The following SENP2 variants were observed in gnomAD, a reference collection of about 807,000 sequenced individuals.
SENP2 encodes SUMO specific peptidase 2.
In SENP2, 16 loss-of-function variants were observed where a neutral mutation model predicts 86.3. The observed-to-expected ratio is 0.19, with a 90% confidence interval of 0.13 to 0.28. SENP2 has a LOEUF of 0.28. SENP2 is among the 10% of genes least tolerant of loss of function. SENP2 has a pLI of 1.00. For missense variants in SENP2, 552 were observed against 703.0 expected, an observed-to-expected ratio of 0.79 and a Z score of 2.43; for synonymous variants, 222 against 238.7, an observed-to-expected ratio of 0.93 and a Z score of 0.64.
chr3:185,592,562 T>G (rs961253176), intron 2 of SENP2, among the ~76,000 whole-genome samples: 3 of 152,140 alleles, frequency 2.0e-5, no homozygotes, highest in East Asian at 1.9e-4. Context: ...CATGTCTCAG[T>G]GCTAACCAAT....
chr3:185,603,028 T>G (rs527810671), intron 5 of SENP2, among the ~76,000 whole-genome samples: 1 of 150,434 alleles, frequency 6.6e-6, no homozygotes, highest in African/African-American at 2.4e-5. Flanking sequence ...TTCTCCTGCC[T>G]TAGCCTCCTG....
chr3:185,599,218 A>G (rs546114729), intron 4 of SENP2, among the ~76,000 whole-genome samples, 194 bp downstream of exon 4: 25 of 152,284 alleles, frequency 1.6e-4, no homozygotes, highest in Non-Finnish European at 2.2e-4. Context: ...TGTTTGTATT[A>G]TCAGTGTCCT....
At chr3:185,598,701 G>A (rs746561370) in intron 3 of SENP2, among the ~76,000 whole-genome samples, 156 bp downstream of exon 3, 1 of 151,980 alleles carries the variant, frequency 6.6e-6, no homozygotes, top group African/African-American at 2.4e-5. Context: ...AGAAATTAAA[G>A]GTTAATAAAA....
At position 185,606,516 on chromosome 3, in the gene SENP2, G is replaced by T. The variant is rs1337271477; in HGVS notation, c.618+18G>T. 2 of 1,552,734 alleles carry T rather than the reference G, an allele frequency of 1.3e-6. No homozygotes were observed. Among genetic ancestry groups the T allele is most frequent in the Non-Finnish European group, 1.7e-6 (2 of 1,154,830 alleles). On this transcript the variant is annotated intron_variant, in intron 6 of 16. Transcript: ENST00000296257. ...TGGAGGAGGTAAGCCTTTTCAGCTTGATTTCTTTAAAAAAAATTTTACAGC... is the reference window on the plus strand; with the variant it reads ...TGGAGGAGGTAAGCCTTTTCAGCTTTATTTCTTTAAAAAAAATTTTACAGC...
chr3:185,609,307 G>A lies in SENP2; in HGVS notation c.679G>A (p.Gly227Ser). Residue 227 changes from glycine to serine, a missense_variant, in exon 7 of 17, where the codon GGT becomes AGT. Coordinates refer to ENST00000296257, the MANE Select transcript of SENP2 (RefSeq NM_021627.3). ...GTTATTGGAACGACTTAAAGAAAGT[G>A]GTCATGGAAACTCTGTCTGTCCTGT... ...RKLLERLKES[G>S]HGNSVCPVTS... is the part of the protein sequence containing the mutation. 6.2e-7 allele frequency: 1 copy of A among 1,613,786 alleles called. No homozygotes were observed.
chr3:185,629,657 G>A lies in SENP2; in HGVS notation c.1708-125G>A, dbSNP rs1289849119. The A allele has an allele frequency of 2.1e-5, 18 of 858,628 alleles. No homozygotes were observed. In the Admixed American group the frequency reaches 2.9e-4, roughly 14 times the overall value. The allele number at this position is 858,628 out of a possible 1,614,324, so 53.2% of individuals were successfully genotyped here. The stretch of plus-strand genomic sequence containing the variant: ...TGGTTTTATAAGTATGTTCCATGAT[G>A]TAAAAATGTCAACACTTAGAAAAAG... On this transcript the variant is annotated intron_variant, in intron 16 of 16. Coordinates refer to ENST00000296257, the MANE Select transcript of SENP2 (RefSeq NM_021627.3).
chr3:185,588,490 C>T (rs748818504), intron 1 of SENP2, among the ~76,000 whole-genome samples: 1 of 152,168 alleles, frequency 6.6e-6, no homozygotes, highest in Non-Finnish European at 1.5e-5. Context: ...CGGGCCCGGC[C>T]GTTAATTTCA....
intron 6 of SENP2, among the ~76,000 whole-genome samples, chr3:185,607,677 TA>T (rs1364970007): frequency 6.6e-6 from 1 of 152,054 alleles, no homozygotes; most frequent in Non-Finnish European, 1.5e-5. Context: ...CTTGCTTTTT[TA>T]AAAAAATTTA....
chr3:185,605,815 G>C (rs138067080), intron 5 of SENP2, among the ~76,000 whole-genome samples: 1 of 152,200 alleles, frequency 6.6e-6, no homozygotes, highest in African/African-American at 2.4e-5. Context: ...GGAATTCCAG[G>C]CTTCAGTTCC....
Position 185,629,933 on chromosome 3 carries a change from C to T in SENP2, c.*89C>T. ...TGCATTGTGGGTTAAAAAGTCCCTGCATCACTTCTGTTCTCACAGGTACTG... is the reference window on the plus strand; with the variant it reads ...TGCATTGTGGGTTAAAAAGTCCCTGTATCACTTCTGTTCTCACAGGTACTG... On this transcript the variant is annotated 3_prime_UTR_variant, in exon 17 of 17. Coordinates refer to ENST00000296257, the MANE Select transcript of SENP2 (RefSeq NM_021627.3). The T allele has an allele frequency of 7.7e-7, 1 of 1,297,904 alleles. No homozygotes were observed. The highest frequency in any genetic ancestry group is 2.3e-5 in the East Asian group (1 of 42,862). The allele number at this position is 1,297,904 out of a possible 1,614,324, so 80.4% of individuals were successfully genotyped here.
intron 14 of SENP2, among the ~76,000 whole-genome samples, chr3:185,623,211 G>A (rs530905590): frequency 1.4e-5 from 2 of 138,470 alleles, no homozygotes; most frequent in Admixed American, 1.4e-4. Context: ...GCGTGATCTC[G>A]GCTCACCGCA....
intron 6 of SENP2, chr3:185,606,986 C>CT (rs10715399): frequency 0.012 from 2,678 of 222,262 alleles, no homozygotes; most frequent in East Asian, 0.018. Flanking sequence ...TTCTTTTTTC[C>CT]TTTTTTTTTT....
chr3:185,626,631 G>T (rs1482202740), intron 16 of SENP2, among the ~76,000 whole-genome samples: 1 of 151,088 alleles, frequency 6.6e-6, no homozygotes, highest in Non-Finnish European at 1.5e-5. Flanking sequence ...AAATTAGCCA[G>T]GCGTGGTGGT....
rs1421739493 is a variant in SENP2, at chr3:185,632,411, TTTTAGTAGA to T, written c.*2568_*2576del. On this transcript the variant is annotated 3_prime_UTR_variant, in exon 17 of 17. Transcript: ENST00000296257. Reference sequence around the variant, plus strand: ...CACCACACCCTGCTAATTTTTGTACTTTTAGTAGAGATGGGGTTTCGCCATGTTGGCCAG... The same window carrying T: ...CACCACACCCTGCTAATTTTTGTACTGATGGGGTTTCGCCATGTTGGCCAG... The T allele has an allele frequency of 1.3e-5, 2 of 151,300 alleles. No individual in the cohort carries two copies. The highest frequency in any genetic ancestry group is 1.3e-4 in the Admixed American group (2 of 15,138). The allele number at this position is 151,300 out of a possible 1,614,324, so 9.4% of individuals were successfully genotyped here.
intron 5 of SENP2, among the ~76,000 whole-genome samples, chr3:185,604,725 A>G (rs1233593826): frequency 6.6e-6 from 1 of 151,746 alleles, no homozygotes; most frequent in African/African-American, 2.4e-5. Context: ...ATGTCCCTTT[A>G]ATCCTAAATA....
intron 10 of SENP2, among the ~76,000 whole-genome samples, chr3:185,613,850 G>C (rs1375471968): frequency 6.8e-6 from 1 of 146,622 alleles, no homozygotes. Context: ...AAAAAAAAAG[G>C]CAGGAAGCAT....
chr3:185,631,680 A>G lies in SENP2; in HGVS notation c.*1836A>G, dbSNP rs1235033648. 8.9e-6 allele frequency: 1 copy of G among 112,678 alleles called. No homozygotes were observed. Among genetic ancestry groups the G allele is most frequent in the African/African-American group, 3.5e-5 (1 of 28,224 alleles). The allele number at this position is 112,678 out of a possible 1,614,324, so 7.0% of individuals were successfully genotyped here. On this transcript the variant is annotated 3_prime_UTR_variant, in exon 17 of 17. Coordinates refer to ENST00000296257, the MANE Select transcript of SENP2 (RefSeq NM_021627.3). ...TGCCAGTGAGTGCTGGGACCAGGTA[A>G]TGAGCACAGCCAAAAAGGCCAGAGG...
rs771723043 is a variant in SENP2, at chr3:185,606,374, G to A, written c.494G>A (p.Arg165His). The part of the protein sequence containing the change: ...SEGCNRRPGG[R>H]RHSKGNPESS... ...GGCTGTAATAGAAGACCAGGTGGCC[G>A]TCGCCATAGCAAAGGTAATCCAGAG... Residue 165 changes from arginine (R) to histidine (H), a missense_variant, in exon 6 of 17, where the codon CGT becomes CAT. By Grantham distance (29) the Arg-to-His change is conservative. Coordinates refer to ENST00000296257, the MANE Select transcript of SENP2 (RefSeq NM_021627.3). 6 of 1,612,566 alleles carry A rather than the reference G, an allele frequency of 3.7e-6. No individual in the cohort carries two copies. Among genetic ancestry groups the A allele is most frequent in the South Asian group, 2.2e-5 (2 of 90,774 alleles).
At chr3:185,606,252 A>G in intron 5 of SENP2, 78 bp from the exon 6 acceptor site, 2 of 1,346,812 alleles carry the variant, frequency 1.5e-6, no homozygotes, top group Non-Finnish European at 2.0e-6. Context: ...ACTTAATCAC[A>G]GGATGGTCTG....
Sources: gnomAD v4.1 joint callset for allele counts (sites outside exome capture counted in the v4.1 genomes callset) on GRCh38, gnomAD v4.1.1 for gene constraint, MANE v1.5 for transcripts, NCBI Gene and HGNC (gene_info 2026-07-23, HGNC 2026-07-21) for gene names.